The following AMPH variants were observed in gnomAD, a reference collection of about 807,000 sequenced individuals.
The protein encoded by AMPH is amphiphysin (Stiff-Mann syndrome with breast cancer 128kD autoantigen).
AMPH carries 49 observed loss-of-function variants against 99.1 expected under a neutral mutation model. That is an observed-to-expected ratio of 0.49 (90% CI 0.39 to 0.63). The LOEUF (loss-of-function observed/expected upper bound fraction) is 0.63, where lower values mean the gene tolerates loss of function less well. AMPH is among the 20% of genes least tolerant of loss of function. The pLI is 0.00. For missense variants in AMPH, 759 were observed against 863.4 expected (o/e 0.88, Z 1.52); for synonymous variants, 314 against 317.3 (o/e 0.99, Z 0.11).
intron 1 of AMPH, among the ~76,000 whole-genome samples, chr7:38,622,381 TC>T (rs1405053237): frequency 2.6e-5 from 4 of 152,096 alleles, no homozygotes; most frequent in Non-Finnish European, 4.4e-5. Context: ...TCACAATATT[TC>T]CTGTTTGAAA....
intron 1 of AMPH, among the ~76,000 whole-genome samples, chr7:38,623,735 C>A (rs1019991476): frequency 2.0e-5 from 3 of 152,160 alleles, no homozygotes; most frequent in African/African-American, 7.2e-5. Flanking sequence ...TTTGCCCATT[C>A]TTTTTATACA....
rs190455710 is a variant in AMPH at position 38,558,258 on chromosome 7, C to T, written c.70-23247G>A. ...GATGGTTCTTGATCTAGTTCCACAA[C>T]ACACAGCTCAAGGGCAATGCACTGA... On this transcript the variant is annotated intron_variant, in intron 1 of 20. Coordinates refer to ENST00000356264, the MANE Select transcript of AMPH (RefSeq NM_001635.4). 1.2e-4 allele frequency among the ~76,000 whole-genome samples: 19 copies of T among 152,288 alleles called. No homozygotes were observed. In the East Asian group the frequency reaches 3.5e-3, roughly 28 times the overall value.
At chr7:38,557,758 A>G (rs1468780811) in intron 1 of AMPH, among the ~76,000 whole-genome samples, 2 of 152,144 alleles carry the variant, frequency 1.3e-5, no homozygotes, top group East Asian at 3.9e-4. Flanking sequence ...TGTGAGAGAC[A>G]GTTAAAAAAA....
At chr7:38,415,042 T>C (rs1785328894) in intron 17 of AMPH, among the ~76,000 whole-genome samples, 1 of 152,200 alleles carries the variant, frequency 6.6e-6, no homozygotes, top group South Asian at 2.1e-4. Context: ...GACAAGAGTG[T>C]TGTTTTTTTA....
At chr7:38,407,767 G>C (rs1785092587) in intron 17 of AMPH, among the ~76,000 whole-genome samples, 1 of 152,128 alleles carries the variant, frequency 6.6e-6, no homozygotes, top group South Asian at 2.1e-4. Context: ...ACTACAGTTA[G>C]AGAACAGCCA....
intron 2 of AMPH, among the ~76,000 whole-genome samples, chr7:38,518,742 C>A (rs773800866): frequency 1.3e-5 from 2 of 152,184 alleles, no homozygotes; most frequent in Admixed American, 6.5e-5. Flanking sequence ...ATGATTTATA[C>A]AGGACTCTGG....
chr7:38,528,367 G>A (rs1443876328), intron 2 of AMPH, among the ~76,000 whole-genome samples: 1 of 152,106 alleles, frequency 6.6e-6, no homozygotes, highest in Admixed American at 6.5e-5. Flanking sequence ...ATCAGAGGGT[G>A]TGGAGATTTT....
chr7:38,536,201 C>G (rs1417418266), intron 1 of AMPH, among the ~76,000 whole-genome samples: 1 of 152,250 alleles, frequency 6.6e-6, no homozygotes, highest in South Asian at 2.1e-4. Context: ...CTCTTTGGGA[C>G]ACAGGACATA....
Position 38,436,361 on chromosome 7 carries a change from C to G in AMPH, c.1045G>C (p.Glu349Gln), listed in dbSNP as rs1290928640. 6.2e-7 allele frequency: 1 copy of G among 1,614,120 alleles called. No homozygotes were observed. Residue 349 changes from glutamate (E) to glutamine (Q), a missense_variant, in exon 12 of 21, where the codon GAG becomes CAG. By Grantham distance (29) the Glu-to-Gln change is conservative (BLOSUM62 2). Transcript: ENST00000356264. ...QNEVPEVKKE[E>Q]TLLDLDFDPF... Reference sequence around the variant, plus strand: ...TCAAAGTCCAGATCCAGCAAAGTCTCCTCTTTCTTCACCTCAGGGACTTCA... The same window carrying G: ...TCAAAGTCCAGATCCAGCAAAGTCTGCTCTTTCTTCACCTCAGGGACTTCA...
intron 2 of AMPH, among the ~76,000 whole-genome samples, chr7:38,510,877 T>C (rs1036709155): frequency 3.9e-5 from 6 of 152,272 alleles, no homozygotes; most frequent in Admixed American, 1.3e-4. Flanking sequence ...AGATATCAAT[T>C]GTTCACTAGT....
intron 1 of AMPH, among the ~76,000 whole-genome samples, chr7:38,610,345 A>G (rs76056548): frequency 2.2e-5 from 1 of 46,362 alleles, no homozygotes; most frequent in Non-Finnish European, 4.3e-5. Flanking sequence ...AAAGAAAAGA[A>G]AAGAAAAGAA....
chr7:38,407,096 G>A lies in AMPH; in HGVS notation c.1398+10729C>T, dbSNP rs868239364. Among the ~76,000 whole-genome samples, 796 of 95,186 alleles carry A rather than the reference G, an allele frequency of 8.4e-3. 3 individuals are homozygous for A. The highest frequency in any genetic ancestry group is 0.013 in the Non-Finnish European group (608 of 46,136). The allele number at this position is 95,186 out of a possible 152,430, so 62.4% of individuals were successfully genotyped here. ...TATATATGTGTGTGTGTGTGTGTGT[G>A]TGTGTGTGTGTGTGTGTGTATAAAT... is the stretch of plus-strand genomic sequence containing the variant. On this transcript the variant is annotated intron_variant, in intron 17 of 20. Transcript: ENST00000356264.
chr7:38,576,711 G>T (rs1562839516), intron 1 of AMPH, among the ~76,000 whole-genome samples: 1 of 152,108 alleles, frequency 6.6e-6, no homozygotes, highest in Non-Finnish European at 1.5e-5. Flanking sequence ...AAACGAGACA[G>T]AACCCCCAGA....
At chr7:38,519,883 T>C (rs1272304382) in intron 2 of AMPH, among the ~76,000 whole-genome samples, 1 of 152,148 alleles carries the variant, frequency 6.6e-6, no homozygotes, top group East Asian at 1.9e-4. Context: ...CCTAGGTACC[T>C]ATCAGTTGTG....
chr7:38,553,161 G>A (rs1274131495), intron 1 of AMPH, among the ~76,000 whole-genome samples: 1 of 152,234 alleles, frequency 6.6e-6, no homozygotes, highest in Non-Finnish European at 1.5e-5. Context: ...GGGACCAGTT[G>A]TACCATTTTC....
chr7:38,595,663 C>T (rs927626661), intron 1 of AMPH, among the ~76,000 whole-genome samples: 13 of 152,178 alleles, frequency 8.5e-5, no homozygotes, highest in Admixed American at 8.5e-4. Context: ...TATGACTGTA[C>T]CCATCACCCA....
intron 11 of AMPH, among the ~76,000 whole-genome samples, chr7:38,444,547 T>G (rs1366214836): frequency 2.0e-5 from 3 of 151,722 alleles, no homozygotes; most frequent in African/African-American, 7.3e-5. Context: ...AGTACTGGAG[T>G]GATGTATCTG....
rs201328417 is a variant in AMPH at position 38,394,023 on chromosome 7, G to A, written c.1590C>T (p.Leu530=). 57 of 1,614,052 alleles carry A rather than the reference G, an allele frequency of 3.5e-5. No individual in the cohort carries two copies. Among genetic ancestry groups the A allele is most frequent in the Non-Finnish European group, 4.5e-5 (53 of 1,180,042 alleles). Residue 530 remains leucine (L), a synonymous_variant, in exon 18 of 21, where the codon CTC becomes CTT. Coordinates refer to ENST00000356264, the MANE Select transcript of AMPH (RefSeq NM_001635.4). ...CACTCACCTGAGGCACTGTTGCTTCGAGCTCCTCTGCTTCAGGTTGGGCAC... is the reference window on the plus strand; with the variant it reads ...CACTCACCTGAGGCACTGTTGCTTCAAGCTCCTCTGCTTCAGGTTGGGCAC... ...AESAQPEAEE[L]EATVPQEKVI...
intron 6 of AMPH, 92 bp from the exon 7 acceptor site, chr7:38,475,508 G>C (rs1021173943): frequency 1.3e-6 from 1 of 798,242 alleles, no homozygotes; most frequent in African/African-American, 1.8e-5. Context: ...TAGTCTTATG[G>C]CATCTTGGAA....
Sources: gnomAD v4.1 joint callset for allele counts (sites outside exome capture counted in the v4.1 genomes callset) on GRCh38, gnomAD v4.1.1 for gene constraint, MANE v1.5 for transcripts, NCBI Gene and HGNC (gene_info 2026-07-23, HGNC 2026-07-21) for gene names.